Variants in GAS2L3 observed in about 807,000 individuals in gnomAD.
The protein encoded by GAS2L3 is growth arrest specific 2 like 3, also known as GAS2-like protein 3.
GAS2L3 carries 28 observed loss-of-function variants against 37.0 expected under a neutral mutation model. That is an observed-to-expected ratio of 0.76 (90% CI 0.56 to 1.04). The LOEUF (loss-of-function observed/expected upper bound fraction) is 1.04. GAS2L3 is among the 50% of genes least tolerant of loss of function. GAS2L3 has a pLI of 0.00. For synonymous variants in GAS2L3, 290 were observed against 296.6 expected (o/e 0.98, Z 0.23); for missense variants, 793 against 817.6 (o/e 0.97, Z 0.37).
chr12:100,583,430 C>T (rs1022657530), intron 1 of GAS2L3, among the ~76,000 whole-genome samples: 4 of 152,238 alleles, frequency 2.6e-5, no homozygotes, highest in Non-Finnish European at 4.4e-5. Context: ...AGAATCCTTG[C>T]CCCTTGGCAG....
intron 5 of GAS2L3, among the ~76,000 whole-genome samples, chr12:100,609,804 G>A (rs1840154907): frequency 6.6e-6 from 1 of 152,140 alleles, no homozygotes; most frequent in African/African-American, 2.4e-5. Context: ...ACTAAAGCCT[G>A]GTTCTGCCTT....
Position 100,617,762 on chromosome 12 carries a change from G to A in GAS2L3, c.464G>A (p.Arg155Lys), listed in dbSNP as rs780540035. 1 of 1,606,588 alleles carries A rather than the reference G, an allele frequency of 6.2e-7. No homozygotes were observed. Among genetic ancestry groups the A allele is most frequent in the Non-Finnish European group, 8.5e-7 (1 of 1,174,038 alleles). ...TCCACAGTTTTGCACAAAGATCCAAGACAGGTGTATCTTTGTCTTCTTGAA... is the reference window on the plus strand; with the variant it reads ...TCCACAGTTTTGCACAAAGATCCAAAACAGGTGTATCTTTGTCTTCTTGAA... ...SEGLVLHKDP[R>K]QVYLCLLEIG... Residue 155 changes from arginine to lysine, a missense_variant, in exon 7 of 10, where the codon AGA (arginine) becomes AAA (lysine). Physicochemically the swap from Arg to Lys is conservative, Grantham distance 26. Transcript: ENST00000547754.
intron 5 of GAS2L3, among the ~76,000 whole-genome samples, chr12:100,609,892 G>A (rs1195377753): frequency 6.6e-6 from 1 of 152,160 alleles, no homozygotes; most frequent in Non-Finnish European, 1.5e-5. Context: ...ATACACAGAT[G>A]TTCTGTGCCA....
At chr12:100,609,570 C>A (rs1956101761) in intron 5 of GAS2L3, among the ~76,000 whole-genome samples, 1 of 152,200 alleles carries the variant, frequency 6.6e-6, no homozygotes, top group Non-Finnish European at 1.5e-5. Flanking sequence ...ATATGCCCCT[C>A]CCCTCTGGTC....
chr12:100,587,481 A>G (rs1321105804), intron 1 of GAS2L3, among the ~76,000 whole-genome samples: 2 of 152,228 alleles, frequency 1.3e-5, no homozygotes, highest in Non-Finnish European at 2.9e-5. Flanking sequence ...AAAAGCAAAA[A>G]TCACATGATC....
At chr12:100,579,596 T>C (rs1955683841) in intron 1 of GAS2L3, 1 of 773,746 alleles carries the variant, frequency 1.3e-6, no homozygotes, top group Non-Finnish European at 2.4e-6. Context: ...ACAGGGTGCA[T>C]CTTTTGGGAG....
chr12:100,577,261 T>A (rs1211025812), intron 1 of GAS2L3, among the ~76,000 whole-genome samples: 2 of 152,200 alleles, frequency 1.3e-5, no homozygotes, highest in African/African-American at 2.4e-5. Flanking sequence ...TTTGAGCAGT[T>A]CCCTGTTAAT....
At chr12:100,605,465 T>A (rs1045667838) in intron 5 of GAS2L3, among the ~76,000 whole-genome samples, 5 of 151,976 alleles carry the variant, frequency 3.3e-5, no homozygotes, top group Non-Finnish European at 5.9e-5. Context: ...TATCTTTTGG[T>A]ACTGTTTTTG....
At position 100,623,760 on chromosome 12, in the gene GAS2L3, C is replaced by A. The variant is rs764004285; in HGVS notation, c.955C>A (p.Pro319Thr). ...AACACCTCAGCCTCCTGAAATGAAT[C>A]CTTTGTCAGCAGTTAACATGTTTCA... ...ARTPQPPEMN[P>T]LSAVNMFQKQ... Residue 319 changes from proline (P) to threonine (T), a missense_variant, in exon 10 of 10, where the codon CCT (proline) becomes ACT (threonine). Transcript: ENST00000547754. 1.2e-6 allele frequency: 2 copies of A among 1,613,924 alleles called. No individual in the cohort carries two copies. The highest frequency in any genetic ancestry group is 8.5e-7 in the Non-Finnish European group (1 of 1,179,926).
At chr12:100,601,585 C>A in intron 4 of GAS2L3, 53 bp from the exon 5 acceptor site, 1 of 826,236 alleles carries the variant, frequency 1.2e-6, no homozygotes, top group Non-Finnish European at 2.1e-6. Context: ...TTAATTTTAA[C>A]CATATTGTTT....
intron 8 of GAS2L3, 116 bp downstream of exon 8, chr12:100,618,703 A>G (rs1393694510): frequency 7.7e-6 from 7 of 905,014 alleles, no homozygotes; most frequent in Non-Finnish European, 1.2e-5. Flanking sequence ...CTTATTCAGA[A>G]TATAAACCGG....
At chr12:100,588,889 G>A (rs1031901296) in intron 1 of GAS2L3, among the ~76,000 whole-genome samples, 3 of 152,128 alleles carry the variant, frequency 2.0e-5, no homozygotes, top group Non-Finnish European at 4.4e-5. Context: ...GACCCCACGG[G>A]CAGTCAGACC....
At chr12:100,589,396 A>G (rs891957683) in intron 1 of GAS2L3, among the ~76,000 whole-genome samples, 1 of 152,184 alleles carries the variant, frequency 6.6e-6, no homozygotes, top group African/African-American at 2.4e-5. Context: ...AAGGAAAACT[A>G]CAAAACACTG....
intron 1 of GAS2L3, among the ~76,000 whole-genome samples, chr12:100,588,402 A>G (rs188794575): frequency 4.6e-5 from 7 of 152,316 alleles, no homozygotes; most frequent in African/African-American, 1.7e-4. Context: ...CAGGGAGTGT[A>G]AGAACAAGGA....
chr12:100,601,380 G>T (rs1593174336), intron 4 of GAS2L3, among the ~76,000 whole-genome samples: 1 of 151,928 alleles, frequency 6.6e-6, no homozygotes, highest in Non-Finnish European at 1.5e-5. Context: ...TTAATATGCA[G>T]TGAATTTATT....
At chr12:100,606,561 CCTT>C (rs111906519) in intron 5 of GAS2L3, among the ~76,000 whole-genome samples, 2,635 of 151,532 alleles carry the variant, frequency 0.017, 72 homozygotes, top group African/African-American at 0.06. Flanking sequence ...TTGGTTGGCT[CCTT>C]CTTTCTTTCC....
chr12:100,580,502 A>T (rs1955697393), intron 1 of GAS2L3, among the ~76,000 whole-genome samples: 1 of 152,088 alleles, frequency 6.6e-6, no homozygotes. Context: ...ATATTTTGAG[A>T]GCTTTGGGTG....
Position 100,579,021 on chromosome 12 carries a change from C to T in GAS2L3, c.-152+5236C>T, listed in dbSNP as rs1955674105. Reference sequence around the variant, plus strand: ...AATGACCTCAAAGTCTATTACTTGCCTCTGAAAGTCATGTATAACCAGTCT... The same window carrying T: ...AATGACCTCAAAGTCTATTACTTGCTTCTGAAAGTCATGTATAACCAGTCT... On this transcript the variant is annotated intron_variant, in intron 1 of 9. Coordinates refer to ENST00000547754, the MANE Select transcript of GAS2L3 (RefSeq NM_174942.3). 8 of 809,268 alleles carry T rather than the reference C, an allele frequency of 9.9e-6. No individual in the cohort carries two copies. In the East Asian group the frequency reaches 2.1e-4, roughly 21 times the overall value. 50.1% of individuals were successfully genotyped at this position (809,268 alleles called of 1,614,324 possible).
At chr12:100,622,771 A>G (rs1280367463) in intron 9 of GAS2L3, among the ~76,000 whole-genome samples, 6 of 147,836 alleles carry the variant, frequency 4.1e-5, no homozygotes, top group Non-Finnish European at 1.5e-5. Context: ...AAAAAAAAAA[A>G]AAAAAAAAAA....
Sources: allele counts gnomAD v4.1 joint callset (sites outside exome capture counted in the v4.1 genomes callset), GRCh38; gene constraint gnomAD v4.1.1; transcripts MANE v1.5; gene names NCBI Gene and HGNC (gene_info 2026-07-23, HGNC 2026-07-21).